The following SSH2 variants were observed in gnomAD, a reference collection of about 807,000 sequenced individuals.
SSH2 encodes the protein slingshot protein phosphatase 2.
In SSH2, 37 loss-of-function variants were observed where a neutral mutation model predicts 135.2. The ratio of observed to expected loss-of-function variants is 0.27; its 90% confidence interval spans 0.21 to 0.36. The LOEUF is 0.36. Among genes scored for constraint, SSH2 ranks in the 10% least tolerant of loss-of-function variants. The pLI, the probability that SSH2 is intolerant of heterozygous loss-of-function variation, is 1.00. For synonymous variants in SSH2, 628 were observed against 646.2 expected, an observed-to-expected ratio of 0.97 and a Z score of 0.43; for missense variants, 1,408 against 1,765.3, an observed-to-expected ratio of 0.80 and a Z score of 3.63.
chr17:29,761,242 C>T (rs1381248688), intron 3 of SSH2: 4 of 1,289,542 alleles, frequency 3.1e-6, no homozygotes, highest in South Asian at 1.2e-5. Context: ...AAGCGAGGGG[C>T]GCCTTCCTCT....
At chr17:29,801,810 C>T (rs1309113864) in intron 2 of SSH2, among the ~76,000 whole-genome samples, 2 of 152,292 alleles carry the variant, frequency 1.3e-5, no homozygotes, top group Admixed American at 1.3e-4. Flanking sequence ...GAGCAGCTAA[C>T]TAATGCCATG....
At chr17:29,777,808 A>AC (rs902666904) in intron 3 of SSH2, 3 of 152,660 alleles carry the variant, frequency 2.0e-5, no homozygotes, top group Non-Finnish European at 4.4e-5. Context: ...AAAAAAAAAA[A>AC]AAAAAAACCT....
chr17:29,740,621 T>C (rs1163665595), intron 3 of SSH2, among the ~76,000 whole-genome samples: 1 of 152,198 alleles, frequency 6.6e-6, no homozygotes, highest in East Asian at 1.9e-4. Context: ...AAATGACTTG[T>C]TCCCTAAAAA....
At chr17:29,641,121 G>A (rs1176665484) in intron 14 of SSH2, among the ~76,000 whole-genome samples, 2 of 152,140 alleles carry the variant, frequency 1.3e-5, no homozygotes, top group Non-Finnish European at 2.9e-5. Context: ...TGTTGGACCA[G>A]GCTGGTCTCA....
chr17:29,664,944 G>C (rs979951056), intron 11 of SSH2, among the ~76,000 whole-genome samples: 1 of 152,110 alleles, frequency 6.6e-6, no homozygotes, highest in Non-Finnish European at 1.5e-5. Context: ...GAATCTGACT[G>C]TATTTCATAT....
intron 4 of SSH2, among the ~76,000 whole-genome samples, chr17:29,699,734 A>G (rs1273371744): frequency 1.3e-5 from 2 of 152,108 alleles, no homozygotes; most frequent in Non-Finnish European, 2.9e-5. Flanking sequence ...TAAACCAATA[A>G]TTTGTCTTCT....
Position 29,702,230 on chromosome 17 carries a change from G to A in SSH2, c.292+729C>T, listed in dbSNP as rs181633665. On this transcript the variant is annotated intron_variant, in intron 4 of 15. Transcript: ENST00000540801. ...TAGCTGCATGTGGTGGTGCATGCCTGTAGTCCCAGCTACTTGGGAGGTTGA... is the reference window on the plus strand; with the variant it reads ...TAGCTGCATGTGGTGGTGCATGCCTATAGTCCCAGCTACTTGGGAGGTTGA... Among the ~76,000 whole-genome samples the A allele has an allele frequency of 3.7e-3, 567 of 152,176 alleles. 5 individuals carry two copies. The highest frequency in any genetic ancestry group is 4.2e-3 in the Non-Finnish European group (288 of 68,008).
chr17:29,642,819 C>T (rs944333286), intron 14 of SSH2, among the ~76,000 whole-genome samples: 4 of 152,152 alleles, frequency 2.6e-5, no homozygotes, highest in Non-Finnish European at 4.4e-5. Flanking sequence ...CAAATCAGTA[C>T]AGGAGCCTGG....
At chr17:29,701,678 C>A (rs1450337003) in intron 4 of SSH2, among the ~76,000 whole-genome samples, 1 of 152,032 alleles carries the variant, frequency 6.6e-6, no homozygotes, top group Non-Finnish European at 1.5e-5. Context: ...TCAAGTGATT[C>A]TCCTGCCTCA....
chr17:29,890,355 C>T (rs554326418), intron 1 of SSH2, among the ~76,000 whole-genome samples: 1 of 152,272 alleles, frequency 6.6e-6, no homozygotes, highest in Non-Finnish European at 1.5e-5. Flanking sequence ...GAAACTTGTA[C>T]ACAGATGTGT....
intron 2 of SSH2, among the ~76,000 whole-genome samples, chr17:29,812,222 T>G (rs1163213966): frequency 6.6e-6 from 1 of 151,992 alleles, no homozygotes; most frequent in East Asian, 1.9e-4. Context: ...AATTCACCTA[T>G]TAAAAGTATA....
chr17:29,692,747 T>C (rs2038540976), intron 5 of SSH2, among the ~76,000 whole-genome samples: 1 of 152,240 alleles, frequency 6.6e-6, no homozygotes, highest in Non-Finnish European at 1.5e-5. Flanking sequence ...TATGTGCAAG[T>C]GACTGTTGTT....
intron 1 of SSH2, among the ~76,000 whole-genome samples, chr17:29,850,991 GAAAC>G (rs901975445): frequency 7.2e-5 from 11 of 151,808 alleles, no homozygotes; most frequent in African/African-American, 1.5e-4. Flanking sequence ...TCTCAAAAAA[GAAAC>G]AAACAAACAA....
intron 3 of SSH2, among the ~76,000 whole-genome samples, chr17:29,738,887 AG>A (rs1439989411): frequency 1.3e-5 from 2 of 152,190 alleles, no homozygotes; most frequent in African/African-American, 2.4e-5. Context: ...GTAAGATGAG[AG>A]GAAAAAATAC....
intron 2 of SSH2, among the ~76,000 whole-genome samples, chr17:29,798,639 T>C (rs2042199171): frequency 6.6e-6 from 1 of 152,210 alleles, no homozygotes; most frequent in South Asian, 2.1e-4. Flanking sequence ...GACAGCATTA[T>C]AATTATCCCA....
intron 2 of SSH2, among the ~76,000 whole-genome samples, chr17:29,847,625 A>G (rs2043155575): frequency 6.6e-6 from 1 of 152,314 alleles, no homozygotes; most frequent in Admixed American, 6.5e-5. Context: ...AATGTGTATG[A>G]ACTAATAAGG....
At chr17:29,785,866 G>A (rs1269188181) in intron 3 of SSH2, among the ~76,000 whole-genome samples, 5 of 145,060 alleles carry the variant, frequency 3.4e-5, no homozygotes, top group African/African-American at 1.0e-4. Context: ...GTGCAGTGGC[G>A]CGATCTCGGC....
At chr17:29,716,622 C>T (rs2039633944) in intron 3 of SSH2, 4 of 675,298 alleles carry the variant, frequency 5.9e-6, no homozygotes, top group Middle Eastern at 3.1e-4. Flanking sequence ...GGAACAACTC[C>T]ATCTTTTCTA....
chr17:29,844,413 C>A (rs1276752860), intron 2 of SSH2, among the ~76,000 whole-genome samples: 1 of 152,152 alleles, frequency 6.6e-6, no homozygotes, highest in Non-Finnish European at 1.5e-5. Context: ...TAGGAGACCA[C>A]CCATAAGCAC....
Sources: allele counts gnomAD v4.1 joint callset (sites outside exome capture counted in the v4.1 genomes callset), GRCh38; gene constraint gnomAD v4.1.1; transcripts MANE v1.5; gene names NCBI Gene and HGNC (gene_info 2026-07-23, HGNC 2026-07-21).